The following PSME3IP1 variants were observed in gnomAD, a reference collection of about 807,000 sequenced individuals.
The protein encoded by PSME3IP1 is proteasome activator subunit 3 interacting protein 1, also known as PSME3-interacting protein.
A neutral mutation model predicts 34.1 loss-of-function variants in PSME3IP1; 13 were observed. That is an observed-to-expected ratio of 0.38 (90% CI 0.25 to 0.61). The LOEUF (loss-of-function observed/expected upper bound fraction) is 0.61. Among genes scored for constraint, PSME3IP1 ranks in the 20% least tolerant of loss-of-function variants. The pLI, the probability that PSME3IP1 is intolerant of heterozygous loss-of-function variation, is 0.60. For missense variants in PSME3IP1, 237 were observed against 301.4 expected (o/e 0.79, Z 1.58); for synonymous variants, 93 against 114.3 (o/e 0.81, Z 1.19).
chr16:57,181,934 T>C (rs1455354169), intron 1 of PSME3IP1: 4 of 152,226 alleles, frequency 2.6e-5, no homozygotes, highest in African/African-American at 9.7e-5. Flanking sequence ...CCCAGTCTTT[T>C]GGATTTTTAT....
At chr16:57,167,275 T>C (rs777850420) in intron 4 of PSME3IP1, 49 bp from the exon 5 acceptor site, 3 of 1,606,760 alleles carry the variant, frequency 1.9e-6, no homozygotes, top group African/African-American at 1.3e-5. Flanking sequence ...AGACAACAAA[T>C]ATAACCCACT....
At chr16:57,164,527 G>A (rs1413852063) in intron 5 of PSME3IP1, among the ~76,000 whole-genome samples, 2 of 152,170 alleles carry the variant, frequency 1.3e-5, no homozygotes, top group Non-Finnish European at 2.9e-5. Flanking sequence ...AATGATCCCA[G>A]AAGGAAGGGA....
In PSME3IP1 at chr16:57,154,585, T is replaced by C. The variant is rs1404114281; in HGVS notation, c.548-78A>G. ...GACTGACTTACCATGTGCCAGGCACTGTACCAAGGGATTTTCCCACAGAGG... is the reference window on the plus strand; with the variant it reads ...GACTGACTTACCATGTGCCAGGCACCGTACCAAGGGATTTTCCCACAGAGG... On this transcript the variant is annotated intron_variant, in intron 6 of 6. Transcript: ENST00000309137. The surrounding 1 kb of genome is among the most constrained non-coding windows in gnomAD (Gnocchi z 4.0). 5 of 1,259,206 alleles carry C rather than the reference T, an allele frequency of 4.0e-6. No homozygotes were observed. Among genetic ancestry groups the C allele is most frequent in the Non-Finnish European group, 5.5e-6 (5 of 916,344 alleles). 78.0% of individuals were successfully genotyped at this position (1,259,206 alleles called of 1,614,324 possible).
In PSME3IP1 at chr16:57,185,842, G is replaced by A. The variant is rs548066345; in HGVS notation, c.-37C>T. 476 of 985,014 alleles carry A rather than the reference G, an allele frequency of 4.8e-4. No homozygotes were observed. The highest frequency in any genetic ancestry group is 2.1e-3 in the Middle Eastern group (4 of 1,914). The allele number at this position is 985,014 out of a possible 1,614,324, so 61.0% of individuals were successfully genotyped here. The stretch of plus-strand genomic sequence containing the variant: ...TCACCTACCGGCGCGCGGGAGGCGA[G>A]ACGACCTCACCTCGGCGGCGCCCAC... On this transcript the variant is annotated 5_prime_UTR_variant, in exon 1 of 7. Transcript: ENST00000309137.
At chr16:57,159,482 C>G (rs2070966214) in intron 6 of PSME3IP1, among the ~76,000 whole-genome samples, 6 of 152,208 alleles carry the variant, frequency 3.9e-5, no homozygotes, top group Admixed American at 3.9e-4. Context: ...TGTGCATTCA[C>G]TGGCTCTGCT....
At chr16:57,174,639 G>GA in intron 1 of PSME3IP1, 1 of 985,394 alleles carries the variant, frequency 1.0e-6, no homozygotes, top group South Asian at 4.7e-5. Flanking sequence ...CCTCCAAGTA[G>GA]ATTAAGATGG....
chr16:57,174,443 G>T, intron 1 of PSME3IP1: 2 of 985,228 alleles, frequency 2.0e-6, no homozygotes, highest in Non-Finnish European at 2.4e-6. Flanking sequence ...CTTATTACCT[G>T]GTGTTCCATA....
At position 57,173,774 on chromosome 16, in the gene PSME3IP1, C is replaced by A; in HGVS notation, c.81G>T (p.Arg27Ser). The A allele has an allele frequency of 2.5e-6, 4 of 1,614,148 alleles. No homozygotes were observed. The highest frequency in any genetic ancestry group is 3.4e-6 in the Non-Finnish European group (4 of 1,180,022). Reference protein sequence around the residue: ...SEAELDERRKRRQEEWEKVRK... With the variant: ...SEAELDERRKSRQEEWEKVRK... ...GAACTTTCTCCCATTCTTCTTGCCT[C>A]CTTTTGCGCCGTTCATCTAGTTCTG... Residue 27 changes from arginine to serine, a missense_variant, in exon 2 of 7, where the codon AGG becomes AGT. By Grantham distance (110) the Arg-to-Ser change is moderately radical (BLOSUM62 -1). Transcript: ENST00000309137.
chr16:57,162,346 T>C (rs1302787045), intron 6 of PSME3IP1, among the ~76,000 whole-genome samples: 2 of 152,172 alleles, frequency 1.3e-5, no homozygotes, highest in East Asian at 1.9e-4. Context: ...TTGAGAGATA[T>C]AAATGAAATA....
chr16:57,174,699 G>A (rs1355274479), intron 1 of PSME3IP1: 1 of 985,446 alleles, frequency 1.0e-6, no homozygotes, highest in Non-Finnish European at 1.2e-6. Flanking sequence ...CTGTATAGCA[G>A]GGAAGGTGCA....
intron 1 of PSME3IP1, among the ~76,000 whole-genome samples, chr16:57,179,894 C>A (rs2073535217): frequency 6.6e-6 from 1 of 152,178 alleles, no homozygotes; most frequent in Non-Finnish European, 1.5e-5. Context: ...GAGGAATTTG[C>A]CATCTGGCTA....
intron 1 of PSME3IP1, among the ~76,000 whole-genome samples, chr16:57,178,293 C>G (rs950863456): frequency 3.9e-5 from 6 of 152,280 alleles, no homozygotes; most frequent in Middle Eastern, 3.4e-3. Flanking sequence ...GACTAAAGAC[C>G]ATCTCCTTTA....
intron 4 of PSME3IP1, among the ~76,000 whole-genome samples, chr16:57,170,238 A>G (rs937819543): frequency 2.6e-5 from 4 of 152,092 alleles, no homozygotes; most frequent in South Asian, 2.1e-4. Flanking sequence ...ACAAGCCACC[A>G]TGCCCGGCTA....
chr16:57,157,665 T>G (rs2070722811), intron 6 of PSME3IP1, among the ~76,000 whole-genome samples: 1 of 151,820 alleles, frequency 6.6e-6, no homozygotes. Flanking sequence ...CTGCCCAGGT[T>G]AAACTCCTGG....
At chr16:57,167,579 T>G (rs1309737837) in intron 4 of PSME3IP1, among the ~76,000 whole-genome samples, 2 of 152,198 alleles carry the variant, frequency 1.3e-5, no homozygotes, top group Admixed American at 1.3e-4. Context: ...AAATGTGGCT[T>G]CCCTGAAAAC....
At chr16:57,181,155 GAAGA>G (rs2073672048) in intron 1 of PSME3IP1, among the ~76,000 whole-genome samples, 2 of 152,186 alleles carry the variant, frequency 1.3e-5, no homozygotes, top group South Asian at 2.1e-4. Flanking sequence ...ATACACACTA[GAAGA>G]AAGATAACTA....
At chr16:57,178,328 G>C (rs1418969416) in intron 1 of PSME3IP1, among the ~76,000 whole-genome samples, 1 of 152,202 alleles carries the variant, frequency 6.6e-6, no homozygotes, top group Admixed American at 6.5e-5. Flanking sequence ...ACCTCCTAGA[G>C]TAGTTAATAT....
intron 6 of PSME3IP1, among the ~76,000 whole-genome samples, chr16:57,160,803 C>T (rs1188429005): frequency 1.3e-5 from 2 of 152,122 alleles, no homozygotes; most frequent in African/African-American, 2.4e-5. Flanking sequence ...ATACTACTAA[C>T]AATGAAAGTA....
At chr16:57,168,033 T>C (rs1276912370) in intron 4 of PSME3IP1, among the ~76,000 whole-genome samples, 1 of 152,204 alleles carries the variant, frequency 6.6e-6, no homozygotes, top group Non-Finnish European at 1.5e-5. Flanking sequence ...GGGAGGTCAC[T>C]TTCACTTGTT....
Sources: gnomAD v4.1 joint callset for allele counts (sites outside exome capture counted in the v4.1 genomes callset) on GRCh38, gnomAD v4.1.1 for gene constraint, Gnocchi (gnomAD v3.1) non-coding constraint, MANE v1.5 for transcripts, NCBI Gene and HGNC (gene_info 2026-07-23, HGNC 2026-07-21) for gene names.